The following MYO16 variants were observed in gnomAD, a reference collection of about 807,000 sequenced individuals.
MYO16 encodes the protein myosin XVI, also known as unconventional myosin-XVI.
In MYO16, 94 loss-of-function variants were observed where a neutral mutation model predicts 205.3. That is an observed-to-expected ratio of 0.46 (90% CI 0.39 to 0.54). The LOEUF (loss-of-function observed/expected upper bound fraction) is 0.54. Ranked by LOEUF, MYO16 falls within the 20% of genes least tolerant of loss-of-function variation. The pLI is 0.00. For missense variants in MYO16, 2,315 were observed against 2,387.5 expected, an observed-to-expected ratio of 0.97 and a Z score of 0.63; for synonymous variants, 988 against 954.0, an observed-to-expected ratio of 1.04 and a Z score of -0.66.
intron 31 of MYO16, among the ~76,000 whole-genome samples, chr13:109,136,078 T>C (rs77685496): frequency 2.0e-5 from 3 of 151,110 alleles, no homozygotes; most frequent in Non-Finnish European, 4.4e-5. Flanking sequence ...TCCTTCCTTC[T>C]TTCCTTCCTT....
intron 31 of MYO16, among the ~76,000 whole-genome samples, chr13:109,136,726 A>G (rs1003130553): frequency 1.3e-5 from 2 of 152,176 alleles, no homozygotes; most frequent in African/African-American, 4.8e-5. Flanking sequence ...ACTGTTCTTT[A>G]GGCCTCATCA....
At chr13:108,969,660 G>T (rs1883934764) in intron 20 of MYO16, among the ~76,000 whole-genome samples, 1 of 152,212 alleles carries the variant, frequency 6.6e-6, no homozygotes, top group African/African-American at 2.4e-5. Flanking sequence ...TTGTGAGGTT[G>T]CCAGGGCTTC....
the MYO16 span, among the ~76,000 whole-genome samples, chr13:108,517,598 T>C: frequency 6.6e-6 from 1 of 152,218 alleles, no homozygotes; most frequent in Admixed American, 6.5e-5. Context: ...CTATTGAAAT[T>C]GAAATACAAT....
At chr13:108,873,885 A>G (rs531167334) in intron 12 of MYO16, among the ~76,000 whole-genome samples, 1 of 152,392 alleles carries the variant, frequency 6.6e-6, no homozygotes, top group South Asian at 2.1e-4. Flanking sequence ...AACATGTTAC[A>G]TGTAGGGGAG....
At chr13:108,678,693 C>T (rs1409984296) in intron 2 of MYO16, among the ~76,000 whole-genome samples, 1 of 152,146 alleles carries the variant, frequency 6.6e-6, no homozygotes, top group Non-Finnish European at 1.5e-5. Context: ...CTTCAGTTGA[C>T]TTTCTCTCCT....
intron 4 of MYO16, among the ~76,000 whole-genome samples, chr13:108,758,977 A>G (rs1885510680): frequency 1.3e-5 from 2 of 152,130 alleles, no homozygotes; most frequent in African/African-American, 2.4e-5. Flanking sequence ...TGGTACTTTA[A>G]TATTAATAGA....
At chr13:108,550,058 A>G in the MYO16 span, among the ~76,000 whole-genome samples, 1 of 152,268 alleles carries the variant, frequency 6.6e-6, no homozygotes, top group African/African-American at 2.4e-5. Flanking sequence ...TGGCTGGCAG[A>G]TCACACAACT....
At chr13:108,498,007 A>G in the MYO16 span, among the ~76,000 whole-genome samples, 1 of 152,350 alleles carries the variant, frequency 6.6e-6, no homozygotes, top group Non-Finnish European at 1.5e-5. Flanking sequence ...CCAAATATAT[A>G]TGTATATGTG....
At chr13:108,684,133 C>T (rs1361932175) in intron 2 of MYO16, among the ~76,000 whole-genome samples, 1 of 152,178 alleles carries the variant, frequency 6.6e-6, no homozygotes, top group Non-Finnish European at 1.5e-5. Context: ...CTCGGCCTCC[C>T]GAAGTGCTGG....
rs1399350285 is a variant in MYO16 at position 109,165,028 on chromosome 13, A to G, written c.5292A>G (p.Ile1764Met). 6.3e-7 allele frequency: 1 copy of G among 1,595,208 alleles called. No homozygotes were observed. The highest frequency in any genetic ancestry group is 2.3e-5 in the East Asian group (1 of 43,970). Residue 1764 changes from isoleucine (I) to methionine (M), a missense_variant, in exon 33 of 35, where the codon ATA becomes ATG. Coordinates refer to ENST00000457511, the MANE Select transcript of MYO16 (RefSeq NM_001198950.3). ...TATCTAATTCACTATCTAGTGCTAT[A>G]ACTGCTGAAAATGGAAATTCCATCT... ...IQLSNSLSSA[I>M]TAENGNSISN...
intron 5 of MYO16, among the ~76,000 whole-genome samples, chr13:108,787,746 A>G (rs958661443): frequency 2.0e-5 from 3 of 152,362 alleles, no homozygotes; most frequent in Non-Finnish European, 4.4e-5. Context: ...TGTTAAATAC[A>G]TGTTTGCTGG....
chr13:108,537,250 A>G, the MYO16 span, among the ~76,000 whole-genome samples: 2 of 152,006 alleles, frequency 1.3e-5, no homozygotes, highest in African/African-American at 4.8e-5. Flanking sequence ...AACAAGTGGT[A>G]TTTGATTTTT....
intron 34 of MYO16, among the ~76,000 whole-genome samples, chr13:109,183,760 C>A (rs141029684): frequency 4.6e-5 from 7 of 152,206 alleles, no homozygotes; most frequent in Non-Finnish European, 1.0e-4. Flanking sequence ...AGGTATTCAT[C>A]GTAAGAAACC....
At chr13:108,637,870 T>A (rs1055593129) in intron 1 of MYO16, among the ~76,000 whole-genome samples, 3 of 151,716 alleles carry the variant, frequency 2.0e-5, no homozygotes, top group Non-Finnish European at 4.4e-5. Context: ...AATAAATAGA[T>A]TAATTAATTA....
intron 16 of MYO16, among the ~76,000 whole-genome samples, chr13:108,930,392 T>G (rs1238419294): frequency 6.6e-6 from 1 of 152,184 alleles, no homozygotes; most frequent in Non-Finnish European, 1.5e-5. Flanking sequence ...AGATGGTTAT[T>G]TGACTTACAA....
At chr13:109,058,460 A>T (rs905373732) in intron 27 of MYO16, among the ~76,000 whole-genome samples, 1 of 152,204 alleles carries the variant, frequency 6.6e-6, no homozygotes, top group Admixed American at 6.5e-5. Flanking sequence ...TAATAAAGCA[A>T]ATCACATAAA....
At chr13:108,712,269 G>A (rs754450594) in intron 2 of MYO16, among the ~76,000 whole-genome samples, 24 of 152,156 alleles carry the variant, frequency 1.6e-4, no homozygotes, top group Admixed American at 3.9e-4. Flanking sequence ...AAGCCAATGG[G>A]CCTTAATGAA....
intron 28 of MYO16, among the ~76,000 whole-genome samples, chr13:109,113,779 C>T (rs1875527054): frequency 6.6e-6 from 1 of 152,008 alleles, no homozygotes; most frequent in Non-Finnish European, 1.5e-5. Context: ...GGAGAAATGA[C>T]CTGTGGAAAT....
chr13:108,878,552 C>T (rs1879438320), intron 12 of MYO16, among the ~76,000 whole-genome samples: 1 of 152,198 alleles, frequency 6.6e-6, no homozygotes, highest in Non-Finnish European at 1.5e-5. Context: ...TTCCTGGATG[C>T]CAGACAAGAG....
Sources: allele counts gnomAD v4.1 joint callset (sites outside exome capture counted in the v4.1 genomes callset), GRCh38; gene constraint gnomAD v4.1.1; transcripts MANE v1.5; gene names NCBI Gene and HGNC (gene_info 2026-07-23, HGNC 2026-07-21).